SPMAP2L: variants seen among roughly 807,000 people sequenced by gnomAD.
The protein encoded by SPMAP2L is sperm microtubule associated protein 2-like.
At chr4:56,624,630 G>T in the SPMAP2L span, among the ~76,000 whole-genome samples, 1 of 152,234 alleles carries the variant, frequency 6.6e-6, no homozygotes, top group Non-Finnish European at 1.5e-5. Context: ...GCTGAAAAGG[G>T]CCAACACAGA....
At chr4:56,534,535 T>C in the SPMAP2L span, among the ~76,000 whole-genome samples, 1 of 152,214 alleles carries the variant, frequency 6.6e-6, no homozygotes, top group African/African-American at 2.4e-5. Flanking sequence ...TTCTGGTAAC[T>C]TCCCAAATTA....
chr4:56,545,903 C>G, the SPMAP2L span, among the ~76,000 whole-genome samples: 1 of 152,118 alleles, frequency 6.6e-6, no homozygotes, highest in African/African-American at 2.4e-5. Flanking sequence ...AGCGATTCTC[C>G]TGCCTCAGCC....
chr4:56,610,916 G>C, the SPMAP2L span, among the ~76,000 whole-genome samples: 2 of 152,112 alleles, frequency 1.3e-5, no homozygotes, highest in African/African-American at 4.8e-5. Context: ...CTCCTGAAAG[G>C]ATGGCCATAA....
the SPMAP2L span, among the ~76,000 whole-genome samples, chr4:56,537,883 CG>C: frequency 6.6e-6 from 1 of 151,934 alleles, no homozygotes; most frequent in African/African-American, 2.4e-5. Context: ...TTAGTAGAGA[CG>C]GGGTTTCACC....
the SPMAP2L span, chr4:56,593,102 C>G: frequency 4.4e-6 from 7 of 1,576,992 alleles, no homozygotes; most frequent in Non-Finnish European, 6.1e-6. Context: ...GACGATTTTG[C>G]GGAACTTACT....
At chr4:56,556,005 T>A in the SPMAP2L span, among the ~76,000 whole-genome samples, 1 of 152,102 alleles carries the variant, frequency 6.6e-6, no homozygotes, top group Non-Finnish European at 1.5e-5. Context: ...CCCACCCTAT[T>A]TGAAAACAAT....
chr4:56,562,650 T>C, the SPMAP2L span, among the ~76,000 whole-genome samples: 1 of 152,208 alleles, frequency 6.6e-6, no homozygotes, highest in Admixed American at 6.5e-5. Context: ...ATTTGCTTCA[T>C]ATTATTTTAG....
At chr4:56,602,821 A>T in the SPMAP2L span, among the ~76,000 whole-genome samples, 1 of 152,168 alleles carries the variant, frequency 6.6e-6, no homozygotes, top group Non-Finnish European at 1.5e-5. Context: ...AACTTCAAAA[A>T]TTTTATTTTC....
the SPMAP2L span, among the ~76,000 whole-genome samples, chr4:56,531,717 C>T: frequency 6.6e-6 from 1 of 152,212 alleles, no homozygotes; most frequent in Non-Finnish European, 1.5e-5. Flanking sequence ...ACCACCTTCA[C>T]AAGGTAACAG....
chr4:56,543,931 A>AT, the SPMAP2L span, among the ~76,000 whole-genome samples: 2 of 68,078 alleles, frequency 2.9e-5, no homozygotes, highest in Non-Finnish European at 6.0e-5. Flanking sequence ...TGTGTATGTG[A>AT]GAGAGAGAGA....
the SPMAP2L span, among the ~76,000 whole-genome samples, chr4:56,608,618 T>C: frequency 6.6e-6 from 1 of 152,208 alleles, no homozygotes; most frequent in Non-Finnish European, 1.5e-5. Context: ...TCTGGTGCAG[T>C]GCCCCTCAGC....
the SPMAP2L span, among the ~76,000 whole-genome samples, chr4:56,569,463 T>C: frequency 6.6e-6 from 1 of 151,380 alleles, no homozygotes; most frequent in African/African-American, 2.4e-5. Flanking sequence ...GAAATGTTCA[T>C]CCAAATCCTT....
chr4:56,603,210 G>GGAAAAGT, the SPMAP2L span: 1 of 1,513,252 alleles, frequency 6.6e-7, no homozygotes, highest in Non-Finnish European at 8.8e-7. Context: ...CTATTTCAGG[G>GGAAAAGT]CTCCTGTGCG....
At chr4:56,585,951 G>C in the SPMAP2L span, among the ~76,000 whole-genome samples, 2 of 152,308 alleles carry the variant, frequency 1.3e-5, no homozygotes, top group Admixed American at 1.3e-4. Flanking sequence ...CTAGGTGTCT[G>C]TTGCTTTATG....
At chr4:56,550,745 G>A in the SPMAP2L span, among the ~76,000 whole-genome samples, 14 of 152,274 alleles carry the variant, frequency 9.2e-5, no homozygotes, top group Non-Finnish European at 1.8e-4. Context: ...GGGTCATCAT[G>A]TAAGGAAATT....
At chr4:56,624,644 C>T in the SPMAP2L span, among the ~76,000 whole-genome samples, 8 of 152,150 alleles carry the variant, frequency 5.3e-5, no homozygotes, top group African/African-American at 1.2e-4. Context: ...ACACAGAGCT[C>T]GAGCTGTGGC....
At chr4:56,570,389 A>T in the SPMAP2L span, among the ~76,000 whole-genome samples, 3 of 152,204 alleles carry the variant, frequency 2.0e-5, no homozygotes, top group African/African-American at 7.2e-5. Flanking sequence ...ACAAACCTAG[A>T]TGGTATAGCC....
At chr4:56,537,785 C>T in the SPMAP2L span, among the ~76,000 whole-genome samples, 23 of 152,086 alleles carry the variant, frequency 1.5e-4, no homozygotes, top group Admixed American at 2.6e-4. Context: ...CTCCACCTCC[C>T]GGGTTCACGC....
the SPMAP2L span, among the ~76,000 whole-genome samples, chr4:56,544,798 A>G: frequency 6.6e-6 from 1 of 152,146 alleles, no homozygotes; most frequent in African/African-American, 2.4e-5. Flanking sequence ...GAGACTGTGG[A>G]GCAGTTCCAG....
Sources: gnomAD v4.1 joint callset for allele counts (sites outside exome capture counted in the v4.1 genomes callset) on GRCh38, gnomAD v4.1.1 for gene constraint, MANE v1.5 for transcripts, NCBI Gene and HGNC (gene_info 2026-07-23, HGNC 2026-07-21) for gene names.